CA10: variants seen among roughly 807,000 people sequenced by gnomAD.
CA10 encodes the protein carbonic anhydrase-related protein 10.
In CA10, 14 loss-of-function variants were observed where a neutral mutation model predicts 44.2. The observed-to-expected ratio is 0.32, with a 90% confidence interval of 0.21 to 0.50. CA10 has a LOEUF of 0.50. Among genes scored for constraint, CA10 ranks in the 20% least tolerant of loss-of-function variants. The pLI is 0.99. For missense variants in CA10, 350 were observed against 409.7 expected, an observed-to-expected ratio of 0.85 and a Z score of 1.26; for synonymous variants, 159 against 141.6, an observed-to-expected ratio of 1.12 and a Z score of -0.87.
At position 51,797,850 on chromosome 17, in the gene CA10, CA is replaced by C. The variant is rs58344941; in HGVS notation, c.280-50033del. Among the ~76,000 whole-genome samples, 417 of 73,696 alleles carry C rather than the reference CA, an allele frequency of 5.7e-3. 1 individual carries two copies. Among genetic ancestry groups the C allele is most frequent in the South Asian group, 0.011 (15 of 1,420 alleles). 48.3% of individuals were successfully genotyped at this position (73,696 alleles called of 152,430 possible). On this transcript the variant is annotated intron_variant, in intron 3 of 8. Transcript: ENST00000451037. ...TGGGTGACAGAGCAAGGCTCCATCT[CA>C]AAAAAAAAAAAAAAAAAAAAAAAAG... is the stretch of plus-strand genomic sequence containing the variant.
At chr17:51,822,286 C>T (rs778440579) in intron 3 of CA10, among the ~76,000 whole-genome samples, 15 of 151,916 alleles carry the variant, frequency 9.9e-5, no homozygotes, top group Non-Finnish European at 1.0e-4. Flanking sequence ...GGTGTGGTGG[C>T]GTGTGCCTGT....
chr17:51,757,789 T>G (rs1905118195), intron 3 of CA10, among the ~76,000 whole-genome samples: 1 of 152,182 alleles, frequency 6.6e-6, no homozygotes, highest in Admixed American at 6.5e-5. Flanking sequence ...ATAGTATTGA[T>G]TAGAAATGGA....
chr17:52,157,715 G>A lies in CA10; in HGVS notation c.61+11C>T. The A allele has an allele frequency of 6.2e-7, 1 of 1,613,010 alleles. No homozygotes were observed. ...ATCCAAATCAGCCAGTGACTTCGGC[G>A]CGTCCCGTACCTGATATGCAGACGA... On this transcript the variant is annotated intron_variant, in intron 1 of 8. Coordinates refer to ENST00000451037, the MANE Select transcript of CA10 (RefSeq NM_020178.5).
At chr17:51,837,867 C>A (rs1240515218) in intron 3 of CA10, among the ~76,000 whole-genome samples, 1 of 152,100 alleles carries the variant, frequency 6.6e-6, no homozygotes, top group Non-Finnish European at 1.5e-5. Flanking sequence ...AATAAAAATG[C>A]AATATAACAT....
chr17:51,911,234 A>C (rs1006366911), intron 3 of CA10, among the ~76,000 whole-genome samples: 3 of 152,140 alleles, frequency 2.0e-5, no homozygotes, highest in Non-Finnish European at 2.9e-5. Flanking sequence ...CTCCCCCAGC[A>C]GACCTGAAGA....
intron 3 of CA10, among the ~76,000 whole-genome samples, chr17:51,916,127 G>A (rs1981987775): frequency 1.7e-5 from 1 of 58,468 alleles, no homozygotes; most frequent in African/African-American, 6.6e-5. Context: ...ATTGTTGCAT[G>A]CTACGCTGCT....
intron 3 of CA10, among the ~76,000 whole-genome samples, chr17:51,869,446 T>C (rs2143857982): frequency 6.6e-6 from 1 of 152,288 alleles, no homozygotes; most frequent in Admixed American, 6.5e-5. Context: ...TCCTGAGGCC[T>C]CCCAGGTCTG....
At chr17:51,804,824 C>G (rs1394278436) in intron 3 of CA10, among the ~76,000 whole-genome samples, 1 of 152,186 alleles carries the variant, frequency 6.6e-6, no homozygotes, top group Non-Finnish European at 1.5e-5. Flanking sequence ...TTAGAGAATG[C>G]AAAATCAACC....
chr17:52,081,067 C>A lies in CA10; in HGVS notation c.62-8674G>T, dbSNP rs183841383. Among the ~76,000 whole-genome samples, 41 of 152,220 alleles carry A rather than the reference C, an allele frequency of 2.7e-4. 1 individual carries two copies. In the East Asian group the frequency reaches 7.9e-3, roughly 29 times the overall value. On this transcript the variant is annotated intron_variant, in intron 1 of 8. Transcript: ENST00000451037. Reference sequence around the variant, plus strand: ...AACCATTAACAGCAAAACCCACAATCACTTTTGTGTAAACCTAATACATTC... The same window carrying A: ...AACCATTAACAGCAAAACCCACAATAACTTTTGTGTAAACCTAATACATTC...
chr17:52,076,941 T>G (rs1307056236), intron 1 of CA10, among the ~76,000 whole-genome samples: 1 of 152,102 alleles, frequency 6.6e-6, no homozygotes, highest in Non-Finnish European at 1.5e-5. Flanking sequence ...TTTTTTAATG[T>G]GCAACCAGCC....
chr17:51,871,049 A>G (rs1455254418), intron 3 of CA10, among the ~76,000 whole-genome samples: 1 of 83,538 alleles, frequency 1.2e-5, no homozygotes, highest in Non-Finnish European at 2.5e-5. Flanking sequence ...TTCCCACTTT[A>G]CTTTTTTTTT....
At chr17:51,997,932 A>G (rs935622709) in intron 2 of CA10, among the ~76,000 whole-genome samples, 1 of 152,090 alleles carries the variant, frequency 6.6e-6, no homozygotes, top group Admixed American at 6.6e-5. Flanking sequence ...AAGCTGTTGT[A>G]ACAATGTCAG....
intron 1 of CA10, among the ~76,000 whole-genome samples, chr17:52,130,097 A>T (rs1254340129): frequency 6.6e-6 from 1 of 152,228 alleles, no homozygotes; most frequent in Non-Finnish European, 1.5e-5. Context: ...TTTAAACCAC[A>T]ATGAGATATC....
chr17:51,919,715 G>A (rs1050362348), intron 3 of CA10, among the ~76,000 whole-genome samples: 5 of 152,126 alleles, frequency 3.3e-5, no homozygotes, highest in Admixed American at 6.6e-5. Flanking sequence ...GCAGTGGCAC[G>A]ATCTCTGCTC....
intron 2 of CA10, among the ~76,000 whole-genome samples, chr17:52,044,168 T>C (rs1016586950): frequency 1.3e-5 from 2 of 152,162 alleles, no homozygotes; most frequent in African/African-American, 4.8e-5. Flanking sequence ...AATTCACCCA[T>C]GATCCATCTG....
chr17:51,725,221 C>A (rs1228714901), intron 4 of CA10, among the ~76,000 whole-genome samples: 1 of 152,202 alleles, frequency 6.6e-6, no homozygotes, highest in Non-Finnish European at 1.5e-5. Flanking sequence ...TTTATTTGCA[C>A]CTGGACAGGC....
intron 4 of CA10, among the ~76,000 whole-genome samples, chr17:51,738,517 A>G (rs1916986873): frequency 6.6e-6 from 1 of 152,172 alleles, no homozygotes; most frequent in African/African-American, 2.4e-5. Flanking sequence ...CATTTAAGAC[A>G]CTATATTTTA....
At chr17:51,638,920 G>A (rs200274261) in intron 6 of CA10, among the ~76,000 whole-genome samples, 1 of 152,096 alleles carries the variant, frequency 6.6e-6, no homozygotes, top group East Asian at 1.9e-4. Context: ...GGAGTGGTGT[G>A]TACTTGGGGA....
chr17:52,039,996 G>A (rs1986723913), intron 2 of CA10, among the ~76,000 whole-genome samples: 2 of 152,080 alleles, frequency 1.3e-5, no homozygotes, highest in Non-Finnish European at 2.9e-5. Flanking sequence ...GCAATCCTGA[G>A]TTAGAACAGG....
Sources: allele counts gnomAD v4.1 joint callset (sites outside exome capture counted in the v4.1 genomes callset), GRCh38; gene constraint gnomAD v4.1.1; transcripts MANE v1.5; gene names NCBI Gene and HGNC (gene_info 2026-07-23, HGNC 2026-07-21).